Variants in MTCL2 observed in about 807,000 individuals in gnomAD.
The protein encoded by MTCL2 is microtubule cross-linking factor 2.
At chr20:36,836,076 C>A in the MTCL2 span, among the ~76,000 whole-genome samples, 5 of 147,678 alleles carry the variant, frequency 3.4e-5, no homozygotes, top group South Asian at 2.2e-4. Context: ...CCTTCCCCCA[C>A]CACCCCCCAC....
the MTCL2 span, among the ~76,000 whole-genome samples, chr20:36,856,936 C>T: frequency 6.6e-6 from 1 of 152,156 alleles, no homozygotes; most frequent in African/African-American, 2.4e-5. Context: ...TGCTACATGC[C>T]TAATGTTTGC....
At chr20:36,808,887 A>G in the MTCL2 span, 1 of 668,348 alleles carries the variant, frequency 1.5e-6, no homozygotes, top group Non-Finnish European at 2.5e-6. Context: ...ACGTGGCGCA[A>G]TCTATTCAGA....
chr20:36,813,757 A>C, the MTCL2 span, among the ~76,000 whole-genome samples: 2 of 148,818 alleles, frequency 1.3e-5, no homozygotes, highest in African/African-American at 5.0e-5. Context: ...TGTCTCAAAA[A>C]AAAAAAAAAA....
chr20:36,854,055 A>T, the MTCL2 span, among the ~76,000 whole-genome samples: 1 of 152,196 alleles, frequency 6.6e-6, no homozygotes, highest in Non-Finnish European at 1.5e-5. Flanking sequence ...AGCTCCAAAG[A>T]GAGTGGCCCA....
chr20:36,853,489 G>A, the MTCL2 span, among the ~76,000 whole-genome samples: 325 of 152,260 alleles, frequency 2.1e-3, no homozygotes, highest in Non-Finnish European at 3.1e-3. Context: ...CGTTTAATGC[G>A]TTCCAGACAC....
At chr20:36,793,283 C>G in the MTCL2 span, 3 of 1,551,840 alleles carry the variant, frequency 1.9e-6, no homozygotes, top group Non-Finnish European at 2.6e-6. This position sits in a 1 kb window ranked among gnomAD's most constrained non-coding sequence, Gnocchi z 6.8. Context: ...ATCTCCGTCC[C>G]GGAGGACACC....
At chr20:36,783,848 A>C in the MTCL2 span, 1 of 985,480 alleles carries the variant, frequency 1.0e-6, no homozygotes, top group African/African-American at 1.7e-5. Flanking sequence ...CCAGTTACCA[A>C]GTAAAATGCT....
chr20:36,784,227 CTCA>C, the MTCL2 span: 8 of 986,120 alleles, frequency 8.1e-6, no homozygotes, highest in Non-Finnish European at 9.6e-6. Context: ...CCCCCCTGAC[CTCA>C]TGGGTGAGAG....
chr20:36,829,301 G>T, the MTCL2 span: 1 of 1,349,036 alleles, frequency 7.4e-7, no homozygotes, highest in Non-Finnish European at 9.9e-7. Context: ...TTCACAGCAG[G>T]GCAACCCTAG....
At chr20:36,808,647 C>T in the MTCL2 span, 1 of 1,612,532 alleles carries the variant, frequency 6.2e-7, no homozygotes, top group Non-Finnish European at 8.5e-7. Context: ...ATGTTCTTCT[C>T]CTGGCTCCAG....
chr20:36,791,494 G>T, the MTCL2 span, among the ~76,000 whole-genome samples: 3 of 152,188 alleles, frequency 2.0e-5, no homozygotes, highest in African/African-American at 7.2e-5. Flanking sequence ...TAGAAAAGTA[G>T]AATGTTTGAG....
chr20:36,796,766 GGGGCA>G, the MTCL2 span: 1 of 964,554 alleles, frequency 1.0e-6, no homozygotes, highest in Non-Finnish European at 1.6e-6. Context: ...GCAAAGGGGC[GGGGCA>G]GGGCTGCGGT....
chr20:36,862,581 C>A, the MTCL2 span: 6 of 1,342,648 alleles, frequency 4.5e-6, no homozygotes, highest in South Asian at 8.0e-5. Context: ...GAAGGAGGGC[C>A]GGCTGGTGCC....
the MTCL2 span, among the ~76,000 whole-genome samples, chr20:36,837,061 G>A: frequency 2.0e-5 from 3 of 152,160 alleles, no homozygotes; most frequent in Admixed American, 6.5e-5. Flanking sequence ...TGGCTGACTC[G>A]CATCCTGCCG....
the MTCL2 span, chr20:36,797,605 T>C: frequency 1.9e-6 from 3 of 1,547,056 alleles, no homozygotes; most frequent in Non-Finnish European, 2.6e-6. Context: ...GGGTCGGTAA[T>C]GGGCAAAGCT....
At chr20:36,803,113 G>A in the MTCL2 span, 1 of 1,594,070 alleles carries the variant, frequency 6.3e-7, no homozygotes, top group Non-Finnish European at 8.5e-7. Context: ...TCCATCTGCG[G>A]AAAGAAGCAG....
the MTCL2 span, chr20:36,859,613 G>C: frequency 8.1e-7 from 1 of 1,231,722 alleles, no homozygotes; most frequent in East Asian, 3.2e-5. Context: ...CACTGGGAGA[G>C]AGTTGCCCGA....
the MTCL2 span, among the ~76,000 whole-genome samples, chr20:36,809,599 T>TA: frequency 6.7e-6 from 1 of 149,962 alleles, no homozygotes; most frequent in African/African-American, 2.5e-5. Context: ...TTTTTTTTTT[T>TA]AGATATCACT....
At chr20:36,810,193 T>A in the MTCL2 span, 1 of 1,468,026 alleles carries the variant, frequency 6.8e-7, no homozygotes, top group Non-Finnish European at 9.1e-7. Flanking sequence ...ATGACAGTGG[T>A]AGGGGAACGA....
Sources: allele counts gnomAD v4.1 joint callset (sites outside exome capture counted in the v4.1 genomes callset), GRCh38; gene constraint gnomAD v4.1.1; non-coding constraint Gnocchi (gnomAD v3.1); transcripts MANE v1.5; gene names NCBI Gene and HGNC (gene_info 2026-07-23, HGNC 2026-07-21).